AGBL1: variants seen among roughly 807,000 people sequenced by gnomAD.
AGBL1 encodes cytosolic carboxypeptidase 4.
AGBL1 carries 130 observed loss-of-function variants against 118.9 expected under a neutral mutation model. That is an observed-to-expected ratio of 1.09 (90% CI 0.95 to 1.26). The LOEUF is 1.26. AGBL1 is among the 50% of genes most tolerant of loss of function. The probability of loss-of-function intolerance (pLI) is 0.00; values close to 1 mark genes in which losing one functional copy is unlikely to be tolerated. For missense variants in AGBL1, 1,584 were observed against 1,298.1 expected (o/e 1.22, Z -3.38); for synonymous variants, 555 against 478.9 (o/e 1.16, Z -2.08).
chr15:86,505,168 T>C (rs568038348), intron 18 of AGBL1, among the ~76,000 whole-genome samples: 6 of 151,900 alleles, frequency 3.9e-5, no homozygotes, highest in Non-Finnish European at 8.8e-5. Flanking sequence ...GTCAATTCTG[T>C]CTTGTAGCTT....
At chr15:86,238,534 T>C (rs1428736518) in intron 6 of AGBL1, among the ~76,000 whole-genome samples, 1 of 152,204 alleles carries the variant, frequency 6.6e-6, no homozygotes, top group Non-Finnish European at 1.5e-5. Flanking sequence ...AAACTAGCAA[T>C]ATTGAAAAAT....
intron 19 of AGBL1, among the ~76,000 whole-genome samples, chr15:86,545,543 C>G (rs1286757457): frequency 6.6e-6 from 1 of 152,040 alleles, no homozygotes; most frequent in Non-Finnish European, 1.5e-5. Flanking sequence ...CTTATCCTCT[C>G]CCTTCTCCCA....
intron 1 of AGBL1, among the ~76,000 whole-genome samples, chr15:86,101,884 T>A (rs117228898): frequency 6.6e-6 from 1 of 152,176 alleles, no homozygotes; most frequent in East Asian, 1.9e-4. Flanking sequence ...TTGTTATTGA[T>A]ATGTGAGGGC....
intron 18 of AGBL1, among the ~76,000 whole-genome samples, chr15:86,400,408 A>G (rs2081426475): frequency 1.3e-5 from 2 of 150,540 alleles, no homozygotes; most frequent in South Asian, 4.2e-4. Context: ...TTCTCTGGGT[A>G]TATTCTTATT....
chr15:86,251,821 G>GGAAA (rs1555455886), intron 7 of AGBL1, among the ~76,000 whole-genome samples: 4 of 146,370 alleles, frequency 2.7e-5, no homozygotes, highest in African/African-American at 7.5e-5. Context: ...ATGCAAGATT[G>GGAAA]AAAAAAAAAA....
chr15:86,957,692 A>C (rs942475947), intron 23 of AGBL1, among the ~76,000 whole-genome samples: 1 of 152,126 alleles, frequency 6.6e-6, no homozygotes, highest in Non-Finnish European at 1.5e-5. Context: ...TAATTAAAGA[A>C]GCTTTTCCAA....
chr15:86,132,288 G>A (rs954431794), intron 1 of AGBL1, among the ~76,000 whole-genome samples: 2 of 152,146 alleles, frequency 1.3e-5, no homozygotes, highest in Admixed American at 1.3e-4. Context: ...GTAGAGGCAG[G>A]GAGGAGCCTC....
intron 14 of AGBL1, 82 bp from the exon 15 acceptor site, chr15:86,271,537 C>A (rs943897529): frequency 2.9e-6 from 3 of 1,041,160 alleles, no homozygotes; most frequent in East Asian, 4.7e-5. Context: ...GGGATTAAGA[C>A]CTATGTGTAT....
intron 3 of AGBL1, among the ~76,000 whole-genome samples, chr15:86,149,455 A>C (rs1389154707): frequency 6.6e-6 from 1 of 151,920 alleles, no homozygotes; most frequent in Admixed American, 6.6e-5. Flanking sequence ...AATGGAAAGC[A>C]AAAAAAAGCA....
At chr15:86,660,846 G>C (rs2085526696) in intron 21 of AGBL1, among the ~76,000 whole-genome samples, 1 of 152,044 alleles carries the variant, frequency 6.6e-6, no homozygotes, top group African/African-American at 2.4e-5. Context: ...GTTTGTGTTT[G>C]TTCTAAGTCT....
intron 22 of AGBL1, among the ~76,000 whole-genome samples, chr15:86,883,543 C>G (rs923917965): frequency 6.6e-5 from 10 of 152,140 alleles, no homozygotes; most frequent in African/African-American, 2.4e-4. Context: ...TTACTGATTC[C>G]ATCTGCTGAG....
chr15:86,906,076 G>A (rs955162689), intron 22 of AGBL1, among the ~76,000 whole-genome samples: 3 of 152,298 alleles, frequency 2.0e-5, no homozygotes, highest in African/African-American at 7.2e-5. Flanking sequence ...TAACCATGCT[G>A]CTGATTACCC....
intron 21 of AGBL1, among the ~76,000 whole-genome samples, chr15:86,556,696 T>C (rs1213697724): frequency 2.6e-5 from 4 of 152,226 alleles, no homozygotes; most frequent in Non-Finnish European, 4.4e-5. Context: ...CAAATGCTTT[T>C]TGTACATTGG....
At chr15:86,857,568 A>C (rs1008025985) in intron 22 of AGBL1, among the ~76,000 whole-genome samples, 2 of 151,994 alleles carry the variant, frequency 1.3e-5, no homozygotes, top group East Asian at 1.9e-4. Context: ...TTGAATCTCA[A>C]CTCAAAAGTG....
At chr15:87,006,916 G>T (rs1018479485) in intron 24 of AGBL1, among the ~76,000 whole-genome samples, 1 of 152,118 alleles carries the variant, frequency 6.6e-6, no homozygotes, top group African/African-American at 2.4e-5. Context: ...TCATGGGTGA[G>T]GAGTGAGACA....
intron 22 of AGBL1, among the ~76,000 whole-genome samples, chr15:86,827,443 GTGTGTGTATA>G (rs1567194822): frequency 2.2e-4 from 1 of 4,558 alleles, no homozygotes; most frequent in African/African-American, 7.8e-4. Flanking sequence ...ATATATATAT[GTGTGTGTATA>G]TATATATATA....
chr15:86,551,600 C>T (rs888337266), intron 20 of AGBL1, among the ~76,000 whole-genome samples: 1 of 152,234 alleles, frequency 6.6e-6, no homozygotes, highest in Non-Finnish European at 1.5e-5. Flanking sequence ...GCCCAAATGG[C>T]TTTGTTGATA....
At chr15:86,801,315 ATC>A (rs71801004) in intron 22 of AGBL1, among the ~76,000 whole-genome samples, 9 of 112,688 alleles carry the variant, frequency 8.0e-5, no homozygotes, top group Admixed American at 1.6e-4. Context: ...GATTACATCT[ATC>A]TATCTATCTA....
chr15:87,002,153 G>T (rs1254614835), intron 24 of AGBL1, among the ~76,000 whole-genome samples: 1 of 152,026 alleles, frequency 6.6e-6, no homozygotes, highest in African/African-American at 2.4e-5. Context: ...ATTAATTTTT[G>T]TATAAGGTAT....
Sources: allele counts gnomAD v4.1 joint callset (sites outside exome capture counted in the v4.1 genomes callset), GRCh38; gene constraint gnomAD v4.1.1; transcripts MANE v1.5; gene names NCBI Gene and HGNC (gene_info 2026-07-23, HGNC 2026-07-21).